Variants in LHFPL3 observed in about 807,000 individuals in gnomAD.
LHFPL3 encodes LHFPL tetraspan subfamily member 3, also known as LHFPL tetraspan subfamily member 3 protein.
Under a neutral mutation model 19.3 loss-of-function variants are expected in LHFPL3, and 5 were observed. The observed-to-expected ratio is 0.26, with a 90% confidence interval of 0.14 to 0.54. The LOEUF is 0.54. Ranked by LOEUF, LHFPL3 falls within the 20% of genes least tolerant of loss-of-function variation. The pLI is 0.94. For synonymous variants in LHFPL3, 133 were observed against 126.2 expected (o/e 1.05, Z -0.36); for missense variants, 249 against 307.4 (o/e 0.81, Z 1.42).
At chr7:104,355,627 T>A (rs1255197584) in intron 1 of LHFPL3, among the ~76,000 whole-genome samples, 1 of 152,200 alleles carries the variant, frequency 6.6e-6, no homozygotes, top group Non-Finnish European at 1.5e-5. Context: ...CTCACTACAG[T>A]TTCTAAGGAA....
intron 2 of LHFPL3, among the ~76,000 whole-genome samples, chr7:104,880,630 T>C (rs973340280): frequency 2.0e-5 from 3 of 151,994 alleles, no homozygotes; most frequent in African/African-American, 7.3e-5. Flanking sequence ...ACAGCATGGT[T>C]TACTTAATAT....
At chr7:104,772,121 T>C (rs1794564035) in intron 2 of LHFPL3, among the ~76,000 whole-genome samples, 1 of 152,092 alleles carries the variant, frequency 6.6e-6, no homozygotes, top group Admixed American at 6.5e-5. Context: ...CCCGGCCCTT[T>C]TGCCTCATTT....
At chr7:104,497,399 A>G (rs531658639) in intron 1 of LHFPL3, among the ~76,000 whole-genome samples, 1 of 152,046 alleles carries the variant, frequency 6.6e-6, no homozygotes, top group East Asian at 1.9e-4. Context: ...ACACACACAC[A>G]TACACACACA....
At chr7:104,559,823 T>G (rs1458326905) in intron 1 of LHFPL3, among the ~76,000 whole-genome samples, 1 of 148,562 alleles carries the variant, frequency 6.7e-6, no homozygotes, top group African/African-American at 2.6e-5. Flanking sequence ...GGGTTTGTCA[T>G]AGATAGCTCT....
intron 1 of LHFPL3, among the ~76,000 whole-genome samples, chr7:104,635,365 T>A (rs1452523783): frequency 6.6e-6 from 1 of 152,166 alleles, no homozygotes; most frequent in East Asian, 1.9e-4. Flanking sequence ...AAGAAAGGTC[T>A]ACTCAAACAT....
At chr7:104,606,288 C>A (rs1438484102) in intron 1 of LHFPL3, among the ~76,000 whole-genome samples, 2 of 152,134 alleles carry the variant, frequency 1.3e-5, no homozygotes, top group African/African-American at 4.8e-5. Flanking sequence ...CAGAGAGCAG[C>A]GAGTAAGATT....
chr7:104,465,062 A>G (rs377060890), intron 1 of LHFPL3, among the ~76,000 whole-genome samples: 55 of 152,272 alleles, frequency 3.6e-4, no homozygotes, highest in South Asian at 1.7e-3. Flanking sequence ...TCAAAGTTCC[A>G]CAGATCTCTG....
At chr7:104,842,685 C>CA (rs1291321043) in intron 2 of LHFPL3, among the ~76,000 whole-genome samples, 2 of 152,170 alleles carry the variant, frequency 1.3e-5, no homozygotes, top group African/African-American at 4.8e-5. Context: ...ATAATGATTC[C>CA]AAAGCAAGAT....
At chr7:104,385,667 T>TTCATTC (rs1554385308) in intron 1 of LHFPL3, among the ~76,000 whole-genome samples, 4 of 151,526 alleles carry the variant, frequency 2.6e-5, no homozygotes, top group Admixed American at 6.6e-5. Flanking sequence ...CATGGCAATT[T>TTCATTC]ATTCATTCAT....
intron 1 of LHFPL3, among the ~76,000 whole-genome samples, chr7:104,521,667 A>G (rs1794066459): frequency 1.3e-5 from 2 of 152,232 alleles, no homozygotes; most frequent in Admixed American, 6.5e-5. Context: ...TCCAGAATCT[A>G]CAATGAACAA....
chr7:104,354,834 A>G (rs547060788), intron 1 of LHFPL3, among the ~76,000 whole-genome samples: 2 of 152,320 alleles, frequency 1.3e-5, no homozygotes, highest in Admixed American at 1.3e-4. Flanking sequence ...GATGAGTGAA[A>G]TCAATTTCAA....
chr7:104,516,429 T>C (rs1793922804), intron 1 of LHFPL3, among the ~76,000 whole-genome samples: 1 of 151,790 alleles, frequency 6.6e-6, no homozygotes, highest in African/African-American at 2.4e-5. Context: ...TTTTAAGATC[T>C]TCTAAAGGAG....
At chr7:104,821,881 T>G (rs1345591094) in intron 2 of LHFPL3, among the ~76,000 whole-genome samples, 1 of 152,174 alleles carries the variant, frequency 6.6e-6, no homozygotes, top group African/African-American at 2.4e-5. Context: ...AGTAGTGTAA[T>G]CAAAGGTCAG....
rs71155523 is a variant in LHFPL3 at position 104,771,816 on chromosome 7, C to CTT, written c.682+34930_682+34931dup. ...ACTTATTAATTTTTCTTTTGCCTCTCTTTTTTTTTTTTTTTTTTTTTTTTT... is the reference window on the plus strand; with the variant it reads ...ACTTATTAATTTTTCTTTTGCCTCTCTTTTTTTTTTTTTTTTTTTTTTTTTTT... On this transcript the variant is annotated intron_variant, in intron 2 of 2. Transcript: ENST00000424859. 7.3e-3 allele frequency among the ~76,000 whole-genome samples: 550 copies of CTT among 75,410 alleles called. 89 individuals are homozygous for CTT. In the East Asian group the frequency reaches 0.14, roughly 19 times the overall value. 49.5% of individuals were successfully genotyped at this position (75,410 alleles called of 152,430 possible). A position where few individuals can be genotyped will look rare whatever the true frequency, so the allele number is the denominator to read the frequency against.
chr7:104,509,159 T>G (rs1793761691), intron 1 of LHFPL3, among the ~76,000 whole-genome samples: 1 of 151,866 alleles, frequency 6.6e-6, no homozygotes, highest in African/African-American at 2.4e-5. Flanking sequence ...CACTAGAGAA[T>G]TCTACCAGAA....
At chr7:104,381,970 G>A (rs924821846) in intron 1 of LHFPL3, among the ~76,000 whole-genome samples, 2 of 138,274 alleles carry the variant, frequency 1.4e-5, no homozygotes, top group Admixed American at 7.9e-5. Context: ...TTAACCTTAG[G>A]AAAAATGGTG....
intron 1 of LHFPL3, among the ~76,000 whole-genome samples, chr7:104,675,033 C>T (rs1421889075): frequency 1.3e-5 from 2 of 152,130 alleles, no homozygotes; most frequent in East Asian, 1.9e-4. Context: ...CGTTTTGATG[C>T]GAAAAACTAG....
At position 104,736,848 on chromosome 7, in the gene LHFPL3, G is replaced by T; in HGVS notation, c.619G>T (p.Ala207Ser). The change falls in exon 2 of 3, where the codon GCA (alanine) becomes TCA (serine). Residue 207 changes from alanine (A) to serine (S), a missense_variant. Transcript: ENST00000424859. ...GGATGCCCTGATCCTCTCATTTCTA[G>T]CATTTGTGCTTGGTAATCGACAAGA... Reference protein sequence around the residue: ...ILDALILSFLAFVLGNRQDSL... With the variant: ...ILDALILSFLSFVLGNRQDSL... 3 of 1,612,734 alleles carry T rather than the reference G, an allele frequency of 1.9e-6. No homozygotes were observed. Among genetic ancestry groups the T allele is most frequent in the Non-Finnish European group, 2.5e-6 (3 of 1,179,480 alleles).
At chr7:104,786,193 C>G (rs1391426993) in intron 2 of LHFPL3, among the ~76,000 whole-genome samples, 1 of 152,196 alleles carries the variant, frequency 6.6e-6, no homozygotes, top group Non-Finnish European at 1.5e-5. Context: ...AGTGGTCCAA[C>G]CAGCTTAGCC....
Sources: allele counts gnomAD v4.1 joint callset (sites outside exome capture counted in the v4.1 genomes callset), GRCh38; gene constraint gnomAD v4.1.1; transcripts MANE v1.5; gene names NCBI Gene and HGNC (gene_info 2026-07-23, HGNC 2026-07-21).